The following ENPP6 variants were observed in gnomAD, a reference collection of about 807,000 sequenced individuals.
ENPP6 encodes the protein glycerophosphocholine cholinephosphodiesterase ENPP6.
In ENPP6, 32 loss-of-function variants were observed where a neutral mutation model predicts 42.0. The observed-to-expected ratio is 0.76, with a 90% CI of 0.58 to 1.02. The LOEUF (loss-of-function observed/expected upper bound fraction) is 1.02, where lower values mean the gene tolerates loss of function less well. Among genes scored for constraint, ENPP6 ranks in the 50% least tolerant of loss-of-function variants. The probability of loss-of-function intolerance (pLI) is 0.00; values close to 1 mark genes in which losing one functional copy is unlikely to be tolerated. For synonymous variants in ENPP6, 213 were observed against 216.0 expected, an observed-to-expected ratio of 0.99 and a Z score of 0.12; for missense variants, 552 against 566.8, an observed-to-expected ratio of 0.97 and a Z score of 0.27.
At chr4:184,201,126 C>T (rs1311991115) in intron 1 of ENPP6, among the ~76,000 whole-genome samples, 1 of 152,138 alleles carries the variant, frequency 6.6e-6, no homozygotes, top group Non-Finnish European at 1.5e-5. Context: ...GCCCCCAGGA[C>T]CCCCAGCTCT....
At chr4:184,167,038 C>T (rs1737360767) in intron 1 of ENPP6, among the ~76,000 whole-genome samples, 1 of 152,234 alleles carries the variant, frequency 6.6e-6, no homozygotes, top group African/African-American at 2.4e-5. Context: ...GCAGCTGCCC[C>T]ACCTGTGCCT....
At chr4:184,205,530 A>C (rs1271787867) in intron 1 of ENPP6, among the ~76,000 whole-genome samples, 1 of 152,246 alleles carries the variant, frequency 6.6e-6, no homozygotes, top group Non-Finnish European at 1.5e-5. Context: ...TGGGTGACCT[A>C]TAGGGCCAGG....
intron 5 of ENPP6, among the ~76,000 whole-genome samples, chr4:184,114,574 G>A (rs892281747): frequency 5.3e-5 from 8 of 152,098 alleles, no homozygotes; most frequent in Non-Finnish European, 1.0e-4. Context: ...TGTTGTGTCC[G>A]TCACATGACA....
intron 7 of ENPP6, among the ~76,000 whole-genome samples, chr4:184,096,575 T>C (rs909126224): frequency 1.3e-5 from 2 of 152,180 alleles, no homozygotes; most frequent in Non-Finnish European, 2.9e-5. Flanking sequence ...TTTTCCAAAG[T>C]ATGAATTGGC....
chr4:184,196,352 G>T (rs1447861580), intron 1 of ENPP6, among the ~76,000 whole-genome samples: 1 of 152,194 alleles, frequency 6.6e-6, no homozygotes, highest in Non-Finnish European at 1.5e-5. Context: ...ATTCAAGCTT[G>T]TTCAGGACAG....
Position 184,216,101 on chromosome 4 carries a change from G to A in ENPP6, c.241+1478C>T, listed in dbSNP as rs188869400. Among the ~76,000 whole-genome samples, 59 of 152,288 alleles carry A rather than the reference G, an allele frequency of 3.9e-4. No individual in the cohort carries two copies. The Middle Eastern group carries it at 0.024, about 61-fold the overall frequency. ...TGGCAGTTTATGAATTGGGTCCCCT[G>A]GCAAGGCTCTGAAAGACAGCTGGAG... On this transcript the variant is annotated intron_variant, in intron 1 of 7. Coordinates refer to ENST00000296741, the MANE Select transcript of ENPP6 (RefSeq NM_153343.4).
intron 1 of ENPP6, among the ~76,000 whole-genome samples, chr4:184,177,920 A>C (rs1732470343): frequency 6.6e-6 from 1 of 151,866 alleles, no homozygotes; most frequent in African/African-American, 2.4e-5. Context: ...GATGAGAAAG[A>C]ATCAATGAAA....
intron 2 of ENPP6, among the ~76,000 whole-genome samples, chr4:184,137,845 C>G (rs113422026): frequency 0.024 from 3,589 of 152,308 alleles, 159 homozygotes; most frequent in African/African-American, 0.081. Flanking sequence ...TGCTGCTTTT[C>G]TGATCAGCAT....
intron 1 of ENPP6, among the ~76,000 whole-genome samples, chr4:184,189,391 G>C (rs1045957044): frequency 2.6e-5 from 4 of 152,172 alleles, no homozygotes; most frequent in Non-Finnish European, 5.9e-5. Flanking sequence ...CTCAAATCAG[G>C]CCACTTTCCC....
intron 1 of ENPP6, among the ~76,000 whole-genome samples, chr4:184,167,488 G>T (rs1005707666): frequency 6.6e-6 from 1 of 152,182 alleles, no homozygotes; most frequent in African/African-American, 2.4e-5. Flanking sequence ...TTAATGCCGG[G>T]AATTGATAGA....
chr4:184,204,756 G>A (rs535097685), intron 1 of ENPP6, among the ~76,000 whole-genome samples: 1 of 152,156 alleles, frequency 6.6e-6, no homozygotes, highest in South Asian at 2.1e-4. Flanking sequence ...AGATATGTAA[G>A]ATTACTAGAC....
intron 1 of ENPP6, among the ~76,000 whole-genome samples, chr4:184,195,130 TG>T (rs1732775269): frequency 6.6e-6 from 1 of 152,244 alleles, no homozygotes; most frequent in Non-Finnish European, 1.5e-5. Context: ...ATTGATTTTT[TG>T]TAACTTTTAT....
At chr4:184,171,892 C>T (rs185196281) in intron 1 of ENPP6, among the ~76,000 whole-genome samples, 8 of 152,002 alleles carry the variant, frequency 5.3e-5, no homozygotes, top group East Asian at 3.9e-4. Flanking sequence ...TGCTCGCGGG[C>T]GGGAGAAGAC....
intron 1 of ENPP6, among the ~76,000 whole-genome samples, chr4:184,157,494 CTT>C (rs1219415353): frequency 7.1e-6 from 1 of 141,372 alleles, no homozygotes; most frequent in African/African-American, 2.6e-5. Flanking sequence ...CCTTCCTTTC[CTT>C]TCTTTCCTCT....
At chr4:184,131,140 A>ACTTTCTTTCTTC (rs1736605344) in intron 2 of ENPP6, among the ~76,000 whole-genome samples, 1 of 121,630 alleles carries the variant, frequency 8.2e-6, no homozygotes, top group Non-Finnish European at 1.7e-5. Context: ...ACCAGCACTT[A>ACTTTCTTTCTTC]CTTTCTTTCT....
chr4:184,215,937 T>C (rs1733188357), intron 1 of ENPP6, among the ~76,000 whole-genome samples: 1 of 152,038 alleles, frequency 6.6e-6, no homozygotes, highest in South Asian at 2.1e-4. Context: ...ATATCAGGAG[T>C]GTGGATCTGA....
Position 184,097,440 on chromosome 4 carries a change from C to T in ENPP6, c.994-72G>A, listed in dbSNP as rs1463453183. On this transcript the variant is annotated intron_variant, in intron 6 of 7. Coordinates refer to ENST00000296741, the MANE Select transcript of ENPP6 (RefSeq NM_153343.4). ...CGCTGAGCGGGCATCTGCTCCAAGCCGCCACTCCACCGGGGGGCGCTTTCC... is the reference window on the plus strand; with the variant it reads ...CGCTGAGCGGGCATCTGCTCCAAGCTGCCACTCCACCGGGGGGCGCTTTCC... 6 of 1,589,644 alleles carry T rather than the reference C, an allele frequency of 3.8e-6. No individual in the cohort carries two copies. In the African/African-American group the frequency reaches 6.7e-5, roughly 18 times the overall value.
chr4:184,197,427 G>A (rs1732819625), intron 1 of ENPP6, among the ~76,000 whole-genome samples: 1 of 152,224 alleles, frequency 6.6e-6, no homozygotes. Context: ...CGAGAGCTCA[G>A]GCAAAAAGGG....
chr4:184,113,905 TTCTTTCTTTC>T (rs1409107521), intron 5 of ENPP6, among the ~76,000 whole-genome samples: 3 of 101,492 alleles, frequency 3.0e-5, no homozygotes, highest in African/African-American at 1.1e-4. Flanking sequence ...TTTCTTTTCT[TTCTTTCTTTC>T]TTTCTTTCTT....
Sources: allele counts gnomAD v4.1 joint callset (sites outside exome capture counted in the v4.1 genomes callset), GRCh38; gene constraint gnomAD v4.1.1; transcripts MANE v1.5; gene names NCBI Gene and HGNC (gene_info 2026-07-23, HGNC 2026-07-21).